TERF2IP: variants seen among roughly 807,000 people sequenced by gnomAD.
TERF2IP encodes the protein telomeric repeat-binding factor 2-interacting protein 1.
Under a neutral mutation model 33.3 loss-of-function variants are expected in TERF2IP, and 35 were observed. The ratio of observed to expected loss-of-function variants is 1.05; its 90% confidence interval spans 0.80 to 1.39. TERF2IP has a LOEUF of 1.39. Ranked by LOEUF, TERF2IP falls within the 40% of genes most tolerant of loss-of-function variation. The pLI is 0.00. For missense variants in TERF2IP, 583 were observed against 524.8 expected (o/e 1.11, Z -1.08); for synonymous variants, 253 against 223.2 (o/e 1.13, Z -1.19).
chr16:75,652,730 T>C (rs530445570), intron 1 of TERF2IP, among the ~76,000 whole-genome samples: 1 of 152,316 alleles, frequency 6.6e-6, no homozygotes, highest in Non-Finnish European at 1.5e-5. Flanking sequence ...TACCGTAAAA[T>C]TTACAGTTCA....
chr16:75,650,385 G>C lies in TERF2IP; in HGVS notation c.670+1833G>C, dbSNP rs1317577532. On this transcript the variant is annotated intron_variant, in intron 1 of 2. Coordinates refer to ENST00000300086, the MANE Select transcript of TERF2IP (RefSeq NM_018975.4). Reference sequence around the variant, plus strand: ...CCAGGGCAATCGCCCTTAGGTGGGAGTATGGCTGGTGTGTTTGGAGCCACA... The same window carrying C: ...CCAGGGCAATCGCCCTTAGGTGGGACTATGGCTGGTGTGTTTGGAGCCACA... 3.9e-5 allele frequency among the ~76,000 whole-genome samples: 6 copies of C among 152,320 alleles called. No individual in the cohort carries two copies. In the South Asian group the frequency reaches 1.0e-3, roughly 26 times the overall value.
At chr16:75,654,470 C>G in intron 2 of TERF2IP, 73 bp downstream of exon 2, 1 of 1,483,160 alleles carries the variant, frequency 6.7e-7, no homozygotes, top group Non-Finnish European at 9.2e-7. Flanking sequence ...ATCCTGTACA[C>G]CTTTTTCATC....
chr16:75,649,572 C>A (rs2082331755), intron 1 of TERF2IP, among the ~76,000 whole-genome samples: 1 of 152,022 alleles, frequency 6.6e-6, no homozygotes, highest in Non-Finnish European at 1.5e-5. Flanking sequence ...TCTCGTCCTT[C>A]CTGTCCACCA....
intron 1 of TERF2IP, among the ~76,000 whole-genome samples, chr16:75,654,005 T>TA (rs2082365809): frequency 2.0e-5 from 3 of 152,208 alleles, no homozygotes; most frequent in Admixed American, 6.5e-5. Flanking sequence ...GAATTAAACT[T>TA]GAGCATTTTT....
chr16:75,649,298 C>T (rs1345151196), intron 1 of TERF2IP, among the ~76,000 whole-genome samples: 5 of 152,202 alleles, frequency 3.3e-5, no homozygotes, highest in African/African-American at 1.2e-4. Flanking sequence ...AATCCCAGCA[C>T]TTTGGGAGGC....
chr16:75,656,706 C>A lies in TERF2IP; in HGVS notation c.*95C>A. ...ACTTTAGAGAGTTCTTGCATTGGAA[C>A]TGGCACTTATTTTCTGACCATCGCT... On this transcript the variant is annotated 3_prime_UTR_variant, in exon 3 of 3. Coordinates refer to ENST00000300086, the MANE Select transcript of TERF2IP (RefSeq NM_018975.4). 8.2e-7 allele frequency: 1 copy of A among 1,212,990 alleles called. No homozygotes were observed. Among genetic ancestry groups the A allele is most frequent in the Non-Finnish European group, 1.1e-6 (1 of 869,972 alleles). The allele number at this position is 1,212,990 out of a possible 1,614,324, so 75.1% of individuals were successfully genotyped here.
chr16:75,650,201 G>C (rs2082336818), intron 1 of TERF2IP, among the ~76,000 whole-genome samples: 1 of 152,186 alleles, frequency 6.6e-6, no homozygotes, highest in Non-Finnish European at 1.5e-5. Flanking sequence ...GGGCTATAGA[G>C]AAAAATAATT....
chr16:75,656,075 T>G, intron 2 of TERF2IP, 132 bp from the exon 3 acceptor site: 2 of 839,056 alleles, frequency 2.4e-6, no homozygotes, highest in Non-Finnish European at 3.8e-6. Flanking sequence ...CACAGCATAT[T>G]AAGAGGAACT....
In TERF2IP at chr16:75,649,418, C is replaced by T. The variant is rs1041861673; in HGVS notation, c.670+866C>T. ...AATTAGCCGGCCGTGGCGGAGAGTT[C>T]CTGTAGTCCCAGCTACTCAGGAGGC... On this transcript the variant is annotated intron_variant, in intron 1 of 2. Coordinates refer to ENST00000300086, the MANE Select transcript of TERF2IP (RefSeq NM_018975.4). 4.6e-5 allele frequency among the ~76,000 whole-genome samples: 7 copies of T among 152,080 alleles called. No homozygotes were observed. In the South Asian group the frequency reaches 6.2e-4, roughly 14 times the overall value.
intron 2 of TERF2IP, 68 bp downstream of exon 2, chr16:75,654,465 G>C (rs552193380): frequency 6.6e-7 from 1 of 1,518,392 alleles, no homozygotes; most frequent in Admixed American, 1.8e-5. Flanking sequence ...TGGTTATCCT[G>C]TACACCTTTT....
intron 1 of TERF2IP, among the ~76,000 whole-genome samples, chr16:75,652,487 T>C (rs1054062914): frequency 5.3e-5 from 8 of 152,252 alleles, no homozygotes; most frequent in Admixed American, 4.6e-4. Context: ...CACCTGATTT[T>C]AGTTCATGGC....
At chr16:75,654,590 G>A (rs1054664519) in intron 2 of TERF2IP, among the ~76,000 whole-genome samples, 193 bp downstream of exon 2, 9 of 152,152 alleles carry the variant, frequency 5.9e-5, no homozygotes, top group African/African-American at 1.7e-4. Flanking sequence ...GCTTCACAAA[G>A]CTTTTAGTTT....
rs117653725 is a variant in TERF2IP at position 75,656,018 on chromosome 16, C to T, written c.796-189C>T. ...ACACACACACGCGCACACACACACG[C>T]GTGTACATATACATACACATCTGAC... On this transcript the variant is annotated intron_variant, in intron 2 of 2. Transcript: ENST00000300086. 8.9e-4 allele frequency among the ~76,000 whole-genome samples: 135 copies of T among 152,136 alleles called. 1 individual carries two copies. In the East Asian group the frequency reaches 0.019, roughly 22 times the overall value.
At position 75,648,398 on chromosome 16, in the gene TERF2IP, C is replaced by G; in HGVS notation, c.516C>G (p.Leu172=). 1 of 1,607,482 alleles carries G rather than the reference C, an allele frequency of 6.2e-7. No individual in the cohort carries two copies. Among genetic ancestry groups the G allele is most frequent in the Non-Finnish European group, 8.5e-7 (1 of 1,177,408 alleles). ...GGAAAGCGATGGAGAAGAGCTCGCT[C>G]ACGCAGCACTCGTGGCAGTCCCTGA... ...ALWKAMEKSS[L]TQHSWQSLKD... is the part of the protein sequence containing the mutation. The change falls in exon 1 of 3, where the codon CTC becomes CTG. Residue 172 remains leucine (L), a synonymous_variant. Transcript: ENST00000300086.
In TERF2IP at chr16:75,654,153, A is replaced by C; in HGVS notation, c.671-120A>C. On this transcript the variant is annotated intron_variant, in intron 1 of 2. Coordinates refer to ENST00000300086, the MANE Select transcript of TERF2IP (RefSeq NM_018975.4). ...GAACAGATGTCTTCTGATAGTAAAA[A>C]AAAAAAAAAAAAAAAAAAAAGTGCA... 5.1e-6 allele frequency: 3 copies of C among 585,574 alleles called. No individual in the cohort carries two copies. The East Asian group carries it at 1.6e-4, about 30-fold the overall frequency. The allele number at this position is 585,574 out of a possible 1,614,324, so 36.3% of individuals were successfully genotyped here. A position where few individuals can be genotyped will look rare whatever the true frequency, so the allele number is the denominator to read the frequency against.
intron 2 of TERF2IP, 21 bp downstream of exon 2, chr16:75,654,418 CATT>C: frequency 1.9e-6 from 3 of 1,606,884 alleles, no homozygotes; most frequent in Non-Finnish European, 2.6e-6. Flanking sequence ...TAGATTTACT[CATT>C]ATTTTTTTCC....
Position 75,648,161 on chromosome 16 carries a change from G to T in TERF2IP, c.279G>T (p.Arg93Ser), listed in dbSNP as rs1168288530. 1.3e-6 allele frequency: 2 copies of T among 1,565,212 alleles called. No individual in the cohort carries two copies. The highest frequency in any genetic ancestry group is 1.7e-6 in the Non-Finnish European group (2 of 1,157,872). The change falls in exon 1 of 3, where the codon AGG (arginine) becomes AGT (serine). Residue 93 changes from arginine (R) to serine (S), a missense_variant. Physicochemically the swap from Arg to Ser is moderately radical, Grantham distance 110. Transcript: ENST00000300086. ...YILDCVERNE[R>S]LELEAYRLGP... is the part of the protein sequence containing the mutation. ...TGGACTGCGTGGAGCGCAACGAGAG[G>T]CTGGAGCTGGAGGCCTATCGGCTGG...
chr16:75,652,517 T>C (rs1212655878), intron 1 of TERF2IP, among the ~76,000 whole-genome samples: 2 of 152,240 alleles, frequency 1.3e-5, no homozygotes, highest in African/African-American at 4.8e-5. Context: ...ATCTATACTT[T>C]TCATCCCAAC....
chr16:75,655,016 C>T (rs1038762973), intron 2 of TERF2IP, among the ~76,000 whole-genome samples: 2 of 148,480 alleles, frequency 1.3e-5, no homozygotes, highest in East Asian at 4.0e-4. Flanking sequence ...GCGTGAGCCA[C>T]CGCTTTTTGT....
Sources: gnomAD v4.1 joint callset for allele counts (sites outside exome capture counted in the v4.1 genomes callset) on GRCh38, gnomAD v4.1.1 for gene constraint, MANE v1.5 for transcripts, NCBI Gene and HGNC (gene_info 2026-07-23, HGNC 2026-07-21) for gene names.